The following GCC2 variants were observed in gnomAD, a reference collection of about 807,000 sequenced individuals.
GCC2 encodes the protein GRIP and coiled-coil domain containing 2, also known as GRIP and coiled-coil domain-containing protein 2.
In GCC2, 120 loss-of-function variants were observed where a neutral mutation model predicts 210.6. The ratio of observed to expected loss-of-function variants is 0.57; its 90% CI spans 0.49 to 0.66. The LOEUF (loss-of-function observed/expected upper bound fraction) is 0.66, where lower values mean the gene tolerates loss of function less well. Ranked by LOEUF, GCC2 falls within the 30% of genes least tolerant of loss-of-function variation. The pLI, the probability that GCC2 is intolerant of heterozygous loss-of-function variation, is 0.00. For synonymous variants in GCC2, 703 were observed against 652.7 expected (o/e 1.08, Z -1.17); for missense variants, 1,868 against 1,871.9 (o/e 1.00, Z 0.04).
chr2:108,501,145 G>A (rs58980777), intron 22 of GCC2, among the ~76,000 whole-genome samples: 2,291 of 151,686 alleles, frequency 0.015, 73 homozygotes, highest in African/African-American at 0.054. Context: ...ACAGATGCAC[G>A]CCAGCTAATT....
chr2:108,471,225 G>C lies in GCC2; in HGVS notation c.1896G>C (p.Glu632Asp). The C allele has an allele frequency of 6.2e-7, 1 of 1,606,138 alleles. No individual in the cohort carries two copies. The highest frequency in any genetic ancestry group is 8.5e-7 in the Non-Finnish European group (1 of 1,177,740). The change falls in exon 6 of 23, where the codon GAG (glutamate) becomes GAC (aspartate). Residue 632 changes from glutamate to aspartate, a missense_variant. By Grantham distance (45) the Glu-to-Asp change is conservative. Around this residue, in one of 3 missense-constraint regions of GCC2, gnomAD observed 1,847 missense variants for 1,765.2 expected, o/e 1.05. Coordinates refer to ENST00000309863, the MANE Select transcript of GCC2 (RefSeq NM_181453.4). ...TTCTTGAACTTGGGAAGAAAGTAGA[G>C]CAAACAATCCAGTACAACAGTGAAC... ...RLILELGKKVEQTIQYNSELE... is the reference protein window; with the variant it reads ...RLILELGKKVDQTIQYNSELE...
At chr2:108,465,873 G>T (rs1680853195) in intron 4 of GCC2, among the ~76,000 whole-genome samples, 1 of 151,986 alleles carries the variant, frequency 6.6e-6, no homozygotes, top group South Asian at 2.1e-4. Flanking sequence ...GACTTTTTTT[G>T]AAACGTAGTC....
rs755016874 is a variant in GCC2, at chr2:108,492,608, A to T, written c.4265A>T (p.Lys1422Ile). The change falls in exon 19 of 23, where the codon AAA (lysine) becomes ATA (isoleucine). Residue 1422 changes from lysine (K) to isoleucine (I), a missense_variant. Physicochemically the swap from Lys to Ile is moderately radical, Grantham distance 102. Transcript: ENST00000309863. Reference sequence around the variant, plus strand: ...ATACAGTCAGAGAACATGATGATGAAATCTGAACATACACAGACTGTGAGT... The same window carrying T: ...ATACAGTCAGAGAACATGATGATGATATCTGAACATACACAGACTGTGAGT... ...CSIQSENMMM[K>I]SEHTQTVSQL... 9 of 1,613,140 alleles carry T rather than the reference A, an allele frequency of 5.6e-6. No homozygotes were observed. The South Asian group carries it at 9.9e-5, about 18-fold the overall frequency.
At chr2:108,500,391 T>C (rs1459989821) in intron 22 of GCC2, among the ~76,000 whole-genome samples, 1 of 152,136 alleles carries the variant, frequency 6.6e-6, no homozygotes, top group East Asian at 1.9e-4. Flanking sequence ...CATGCGCCTA[T>C]AGTCCCAGCT....
intron 4 of GCC2, among the ~76,000 whole-genome samples, chr2:108,467,988 T>C (rs1258004003): frequency 6.6e-6 from 1 of 152,128 alleles, no homozygotes; most frequent in Non-Finnish European, 1.5e-5. Context: ...TAAAGCTTTA[T>C]TTTTAAAGGA....
At position 108,495,450 on chromosome 2, in the gene GCC2, T is replaced by C. The variant is rs1682605267; in HGVS notation, c.4607T>C (p.Leu1536Ser). ...TCCGCCAGCACATACACACAGTCTT[T>C]AGAGCAGCTGCTTAACTCTCCCGAA... is the stretch of plus-strand genomic sequence containing the variant. Reference protein sequence around the residue: ...VSSASTYTQSLEQLLNSPETK... With the variant: ...VSSASTYTQSSEQLLNSPETK... The change falls in exon 20 of 23, where the codon TTA becomes TCA. Residue 1536 changes from leucine to serine, a missense_variant. Physicochemically the swap from Leu to Ser is moderately radical, Grantham distance 145. Transcript: ENST00000309863. 2 of 1,593,794 alleles carry C rather than the reference T, an allele frequency of 1.3e-6. No homozygotes were observed. Among genetic ancestry groups the C allele is most frequent in the East Asian group, 2.2e-5 (1 of 44,856 alleles).
intron 9 of GCC2, among the ~76,000 whole-genome samples, chr2:108,480,687 G>A (rs1167236841): frequency 1.3e-5 from 2 of 152,150 alleles, no homozygotes; most frequent in African/African-American, 4.8e-5. Flanking sequence ...ACTTATAAGT[G>A]GGAGCTAAAT....
intron 22 of GCC2, among the ~76,000 whole-genome samples, chr2:108,500,040 C>T (rs927121427): frequency 6.6e-5 from 10 of 152,140 alleles, no homozygotes; most frequent in Non-Finnish European, 1.5e-4. Context: ...TTCTGGTGTT[C>T]AGCTGAACGT....
intron 4 of GCC2, among the ~76,000 whole-genome samples, chr2:108,454,925 C>T (rs985345120): frequency 1.3e-5 from 2 of 151,572 alleles, no homozygotes; most frequent in African/African-American, 4.9e-5. Flanking sequence ...TAGGATTTCT[C>T]CCTATCGCCC....
In GCC2 at chr2:108,449,638, T is replaced by C. The variant is rs753789053; in HGVS notation, c.12T>C (p.Leu4=). 2.5e-6 allele frequency: 4 copies of C among 1,613,648 alleles called. No homozygotes were observed. The highest frequency in any genetic ancestry group is 1.3e-5 in the African/African-American group (1 of 74,912). Residue 4 remains leucine (L), a synonymous_variant, in exon 2 of 23, where the codon CTT becomes CTC. Transcript: ENST00000309863. ...GGTTTGATTTTGTTTTGCAGGATCT[T>C]GTTCAAGATGGGGTGGCTTCACCAG... MED[L]VQDGVASPAT...
At position 108,471,008 on chromosome 2, in the gene GCC2, C is replaced by T; in HGVS notation, c.1679C>T (p.Thr560Ile). 6.2e-7 allele frequency: 1 copy of T among 1,611,930 alleles called. No individual in the cohort carries two copies. Among genetic ancestry groups the T allele is most frequent in the Non-Finnish European group, 8.5e-7 (1 of 1,178,640 alleles). ...QQELVPELEN[T>I]IKNLQEKNGV... ...GAATTGGTACCAGAACTTGAAAATA[C>T]CATAAAGAACCTTCAAGAAAAGAAT... Residue 560 changes from threonine to isoleucine, a missense_variant, in exon 6 of 23, where the codon ACC becomes ATC. Around this residue, in one of 3 missense-constraint regions of GCC2, gnomAD observed 1,847 missense variants for 1,765.2 expected, o/e 1.05. Coordinates refer to ENST00000309863, the MANE Select transcript of GCC2 (RefSeq NM_181453.4).
At chr2:108,453,612 C>T (rs1680078403) in intron 4 of GCC2, among the ~76,000 whole-genome samples, 1 of 152,096 alleles carries the variant, frequency 6.6e-6, no homozygotes, top group Non-Finnish European at 1.5e-5. Flanking sequence ...TGGTGAAACC[C>T]TGTCTGTACT....
chr2:108,460,226 C>T (rs756589125), intron 4 of GCC2, among the ~76,000 whole-genome samples: 2 of 152,160 alleles, frequency 1.3e-5, no homozygotes, highest in Non-Finnish European at 2.9e-5. Flanking sequence ...TTTTTCCATG[C>T]TTTAACTTTC....
intron 4 of GCC2, among the ~76,000 whole-genome samples, chr2:108,467,146 C>G (rs950095229): frequency 9.9e-5 from 15 of 152,040 alleles, no homozygotes; most frequent in African/African-American, 3.6e-4. Context: ...TTGTCATATT[C>G]CATGAAAAAC....
At chr2:108,454,929 A>G (rs565441572) in intron 4 of GCC2, among the ~76,000 whole-genome samples, 9 of 151,416 alleles carry the variant, frequency 5.9e-5, no homozygotes, top group African/African-American at 1.5e-4. Context: ...ATTTCTCCCT[A>G]TCGCCCAGGC....
Position 108,509,289 on chromosome 2 carries a change from G to T in GCC2, c.*1659G>T, listed in dbSNP as rs1683370171. On this transcript the variant is annotated 3_prime_UTR_variant, in exon 23 of 23. Coordinates refer to ENST00000309863, the MANE Select transcript of GCC2 (RefSeq NM_181453.4). ...GAATGTCATAACAAAATAATTTTTTGCATGATAAAAAATTACTTTGATTAC... is the reference window on the plus strand; with the variant it reads ...GAATGTCATAACAAAATAATTTTTTTCATGATAAAAAATTACTTTGATTAC... 1 of 152,494 alleles carries T rather than the reference G, an allele frequency of 6.6e-6. No individual in the cohort carries two copies. The highest frequency in any genetic ancestry group is 1.5e-5 in the Non-Finnish European group (1 of 68,032). The allele number at this position is 152,494 out of a possible 1,614,324, so 9.4% of individuals were successfully genotyped here. A position where few individuals can be genotyped will look rare whatever the true frequency, so the allele number is the denominator to read the frequency against.
intron 17 of GCC2, 145 bp from the exon 18 acceptor site, chr2:108,489,693 C>T: frequency 2.0e-5 from 10 of 503,490 alleles, no homozygotes; most frequent in South Asian, 1.2e-4. Flanking sequence ...ATGTTTAATC[C>T]TAGTCTTGAA....
At chr2:108,459,399 A>C (rs1170771164) in intron 4 of GCC2, among the ~76,000 whole-genome samples, 1 of 152,228 alleles carries the variant, frequency 6.6e-6, no homozygotes, top group African/African-American at 2.4e-5. Flanking sequence ...GTGGCCTAAC[A>C]TATGGTCTTT....
intron 4 of GCC2, among the ~76,000 whole-genome samples, chr2:108,460,149 C>T (rs867287778): frequency 2.6e-5 from 4 of 152,150 alleles, no homozygotes; most frequent in Non-Finnish European, 4.4e-5. Flanking sequence ...CCGTGCCTGG[C>T]CACTAAATAG....
Sources: gnomAD v4.1 joint callset for allele counts (sites outside exome capture counted in the v4.1 genomes callset) on GRCh38, gnomAD v4.1.1 for gene constraint, gnomAD v4.1.1 regional missense constraint, MANE v1.5 for transcripts, NCBI Gene and HGNC (gene_info 2026-07-23, HGNC 2026-07-21) for gene names.